The following BEND6 variants were observed in gnomAD, a reference collection of about 807,000 sequenced individuals.
BEND6 encodes BEN domain containing 6, also known as BEN domain-containing protein 6.
Under a neutral mutation model 31.8 loss-of-function variants are expected in BEND6, and 24 were observed. The ratio of observed to expected loss-of-function variants is 0.75; its 90% CI spans 0.55 to 1.06. The LOEUF is 1.06. Among genes scored for constraint, BEND6 ranks in the 50% least tolerant of loss-of-function variants. The pLI is 0.00. For synonymous variants in BEND6, 109 were observed against 114.6 expected (o/e 0.95, Z 0.31); for missense variants, 294 against 327.4 (o/e 0.90, Z 0.79).
Position 57,027,124 on chromosome 6 carries a change from G to C in BEND6, c.*1052G>C, listed in dbSNP as rs549794956. On this transcript the variant is annotated 3_prime_UTR_variant, in exon 7 of 7. Transcript: ENST00000370746. ...TCAGGTTGTCACATGTGACCACTGT[G>C]CAATGCGAAGCCATACTTCTTCAGT... 1 of 152,330 alleles carries C rather than the reference G, an allele frequency of 6.6e-6. No homozygotes were observed. Among genetic ancestry groups the C allele is most frequent in the East Asian group, 1.9e-4 (1 of 5,184 alleles). 9.4% of individuals were successfully genotyped at this position (152,330 alleles called of 1,614,324 possible).
Position 57,017,217 on chromosome 6 carries a change from A to C in BEND6, c.530A>C (p.Glu177Ala), listed in dbSNP as rs1307461116. ...HQTDEKQFQI[E>A]KWQIARCNKS... is the part of the protein sequence containing the mutation. ...TTCTTATCTTTTTAGTTCCAGATTG[A>C]AAAATGGCAGATTGCCCGTTGTAAC... Residue 177 changes from glutamate to alanine, a missense_variant, in exon 5 of 7, where the codon GAA becomes GCA. Transcript: ENST00000370746. 1 of 1,574,584 alleles carries C rather than the reference A, an allele frequency of 6.4e-7. No homozygotes were observed. Among genetic ancestry groups the C allele is most frequent in the Non-Finnish European group, 8.6e-7 (1 of 1,161,998 alleles).
At chr6:56,967,633 A>C (rs1825532027) in intron 1 of BEND6, among the ~76,000 whole-genome samples, 1 of 152,204 alleles carries the variant, frequency 6.6e-6, no homozygotes, top group African/African-American at 2.4e-5. Flanking sequence ...CTAGCATCTA[A>C]CCAGGACTAT....
chr6:56,956,330 T>C (rs1368744811), intron 1 of BEND6, among the ~76,000 whole-genome samples: 1 of 152,266 alleles, frequency 6.6e-6, no homozygotes, highest in East Asian at 1.9e-4. Flanking sequence ...ATAAAAGTTT[T>C]ATTTGCTTGT....
At chr6:56,968,534 G>A (rs1825572944) in intron 1 of BEND6, among the ~76,000 whole-genome samples, 2 of 150,820 alleles carry the variant, frequency 1.3e-5, no homozygotes, top group Non-Finnish European at 3.0e-5. Context: ...ATGTTGCTCA[G>A]GCTGGTCTTA....
intron 3 of BEND6, among the ~76,000 whole-genome samples, chr6:57,000,884 G>GAAAAAA (rs142783287): frequency 1.0e-5 from 1 of 99,752 alleles, no homozygotes; most frequent in African/African-American, 4.1e-5. Flanking sequence ...CACTTCCTCT[G>GAAAAAA]AAAAAAAAAA....
chr6:56,991,399 G>A (rs1174909783), intron 2 of BEND6, among the ~76,000 whole-genome samples: 2 of 151,680 alleles, frequency 1.3e-5, no homozygotes, highest in Non-Finnish European at 2.9e-5. Context: ...TTTTGAGACA[G>A]GGTATCCCTC....
At chr6:56,998,950 T>C (rs1826827571) in intron 3 of BEND6, among the ~76,000 whole-genome samples, 1 of 152,010 alleles carries the variant, frequency 6.6e-6, no homozygotes, top group Non-Finnish European at 1.5e-5. Context: ...TAGCAAAAAA[T>C]CAAATAATTC....
At chr6:56,978,522 G>T (rs1825965997) in intron 1 of BEND6, among the ~76,000 whole-genome samples, 1 of 152,024 alleles carries the variant, frequency 6.6e-6, no homozygotes, top group Admixed American at 6.6e-5. Context: ...GCCATTCTAA[G>T]TCTCTTACAT....
chr6:56,990,722 C>A (rs934882047), intron 2 of BEND6, among the ~76,000 whole-genome samples: 2 of 152,096 alleles, frequency 1.3e-5, no homozygotes, highest in African/African-American at 4.8e-5. Flanking sequence ...AATTTTAAAA[C>A]CAATTTATTA....
At chr6:56,963,401 T>C (rs1825354704) in intron 1 of BEND6, among the ~76,000 whole-genome samples, 1 of 152,148 alleles carries the variant, frequency 6.6e-6, no homozygotes, top group African/African-American at 2.4e-5. Context: ...ACAAGACTCT[T>C]TGTATTAAAA....
chr6:56,987,570 C>T (rs893962508), intron 2 of BEND6, among the ~76,000 whole-genome samples: 40 of 152,292 alleles, frequency 2.6e-4, no homozygotes, highest in African/African-American at 9.1e-4. Context: ...CATATACCCC[C>T]ACCTGGAGAT....
intron 3 of BEND6, chr6:57,009,748 A>G (rs912190899): frequency 6.6e-6 from 1 of 152,202 alleles, no homozygotes; most frequent in Non-Finnish European, 1.5e-5. Context: ...AATAAGAATG[A>G]CAACCACAAT....
At chr6:56,976,324 T>C (rs546248771) in intron 1 of BEND6, among the ~76,000 whole-genome samples, 75 of 150,586 alleles carry the variant, frequency 5.0e-4, no homozygotes, top group African/African-American at 1.6e-3. Context: ...GCCTCCCGAG[T>C]AGCTGGGACT....
intron 1 of BEND6, among the ~76,000 whole-genome samples, chr6:56,956,906 G>A (rs1156838486): frequency 6.6e-6 from 1 of 152,254 alleles, no homozygotes; most frequent in Non-Finnish European, 1.5e-5. Flanking sequence ...CAATGGCATG[G>A]TGGAGTAATT....
chr6:56,970,972 C>T (rs1041515461), intron 1 of BEND6, among the ~76,000 whole-genome samples: 1 of 152,146 alleles, frequency 6.6e-6, no homozygotes, highest in Non-Finnish European at 1.5e-5. Context: ...TGGTAAAACA[C>T]ACATAACATA....
chr6:57,008,161 CTA>C, intron 3 of BEND6: 1 of 702,930 alleles, frequency 1.4e-6, no homozygotes, highest in Non-Finnish European at 2.6e-6. Context: ...GTGATTATTT[CTA>C]TCTTATCTCC....
At chr6:56,970,246 G>A (rs1463344078) in intron 1 of BEND6, among the ~76,000 whole-genome samples, 1 of 151,850 alleles carries the variant, frequency 6.6e-6, no homozygotes, top group Non-Finnish European at 1.5e-5. Context: ...CCAGGCTGGA[G>A]TGCAGTGGCA....
At chr6:56,961,007 T>A (rs941668069) in intron 1 of BEND6, among the ~76,000 whole-genome samples, 1 of 152,220 alleles carries the variant, frequency 6.6e-6, no homozygotes, top group Non-Finnish European at 1.5e-5. Context: ...AAGTTCAAAC[T>A]GGAATTCATG....
chr6:57,000,988 A>G (rs1259681036), intron 3 of BEND6, among the ~76,000 whole-genome samples: 1 of 151,794 alleles, frequency 6.6e-6, no homozygotes, highest in Admixed American at 6.6e-5. Context: ...GAGAAAAAGG[A>G]AAGAAAAAGA....
Sources: allele counts gnomAD v4.1 joint callset (sites outside exome capture counted in the v4.1 genomes callset), GRCh38; gene constraint gnomAD v4.1.1; transcripts MANE v1.5; gene names NCBI Gene and HGNC (gene_info 2026-07-23, HGNC 2026-07-21).